Variants in ANK3 observed in about 807,000 individuals in gnomAD.
ANK3 encodes the protein ankyrin-3.
ANK3 carries 57 observed loss-of-function variants against 370.9 expected under a neutral mutation model. The observed-to-expected ratio is 0.15, with a 90% CI of 0.12 to 0.19. The LOEUF is 0.19. Ranked by LOEUF, ANK3 falls within the 10% of genes least tolerant of loss-of-function variation. The pLI is 1.00. For missense variants in ANK3, 4,439 were observed against 5,302.1 expected (o/e 0.84, Z 5.06); for synonymous variants, 1,929 against 1,946.3 (o/e 0.99, Z 0.23).
At chr10:60,722,687 G>C (rs1837550749) in intron 1 of ANK3, among the ~76,000 whole-genome samples, 1 of 152,064 alleles carries the variant, frequency 6.6e-6, no homozygotes, top group Admixed American at 6.5e-5. Flanking sequence ...GGAGGTATTT[G>C]GATCATGGGG....
chr10:60,595,841 C>G (rs1490567898), intron 2 of ANK3, among the ~76,000 whole-genome samples: 1 of 152,160 alleles, frequency 6.6e-6, no homozygotes, highest in Non-Finnish European at 1.5e-5. Flanking sequence ...ATTTCTTTCA[C>G]TGTCATAATT....
intron 2 of ANK3, among the ~76,000 whole-genome samples, chr10:60,531,811 T>A (rs2076612874): frequency 6.6e-6 from 1 of 152,092 alleles, no homozygotes; most frequent in Non-Finnish European, 1.5e-5. Context: ...CAGTATCACC[T>A]AGAAGTCTGT....
chr10:60,476,681 G>A (rs1015041874), intron 2 of ANK3, among the ~76,000 whole-genome samples: 8 of 152,080 alleles, frequency 5.3e-5, no homozygotes, highest in African/African-American at 1.4e-4. Flanking sequence ...GATATAAATT[G>A]GATTTACAGC....
chr10:60,583,974 T>C (rs924191708), intron 2 of ANK3, among the ~76,000 whole-genome samples: 11 of 152,186 alleles, frequency 7.2e-5, no homozygotes, highest in African/African-American at 2.7e-4. Flanking sequence ...TTACACAGTT[T>C]ACACATGTAT....
intron 1 of ANK3, among the ~76,000 whole-genome samples, chr10:60,292,979 G>A (rs903433288): frequency 5.3e-5 from 8 of 152,154 alleles, no homozygotes; most frequent in African/African-American, 1.9e-4. Flanking sequence ...AAAGTGCTGG[G>A]ATTACAGGCA....
At chr10:60,089,459 TTGTGTGTGTGTGTGTGTGTGTGTGTGTG>T (rs61497871) in intron 28 of ANK3, among the ~76,000 whole-genome samples, 2 of 141,538 alleles carry the variant, frequency 1.4e-5, no homozygotes, top group Non-Finnish European at 3.1e-5. Context: ...TCCATCCAGG[TTGTGTGTGTGTGTGTGTGTGTGTGTGTG>T]TGTGTGTGTG....
chr10:60,286,571 C>T (rs913356052), intron 1 of ANK3, among the ~76,000 whole-genome samples: 1 of 152,136 alleles, frequency 6.6e-6, no homozygotes, highest in East Asian at 1.9e-4. Flanking sequence ...ACTTGGGGTG[C>T]ATAAGGGCAA....
At chr10:60,172,591 C>A (rs533716534) in intron 20 of ANK3, among the ~76,000 whole-genome samples, 188 bp from the exon 21 acceptor site, 1 of 152,308 alleles carries the variant, frequency 6.6e-6, no homozygotes, top group East Asian at 1.9e-4. Flanking sequence ...TGGGCAGCTA[C>A]ACATGCAATC....
At chr10:60,599,705 T>C (rs2078034446) in intron 2 of ANK3, among the ~76,000 whole-genome samples, 1 of 152,202 alleles carries the variant, frequency 6.6e-6, no homozygotes, top group Non-Finnish European at 1.5e-5. Flanking sequence ...CTCCGTAATC[T>C]ATTTTCCATA....
At chr10:60,113,181 G>A (rs1290936801) in intron 26 of ANK3, among the ~76,000 whole-genome samples, 2 of 151,980 alleles carry the variant, frequency 1.3e-5, no homozygotes, top group East Asian at 3.8e-4. Context: ...TTCCAGTGTA[G>A]ACACTGGTAT....
chr10:60,524,063 C>G (rs543572843), intron 2 of ANK3, among the ~76,000 whole-genome samples: 1 of 152,006 alleles, frequency 6.6e-6, no homozygotes, highest in Admixed American at 6.6e-5. Flanking sequence ...TCCTTCTGGC[C>G]TCTCCCACTT....
chr10:60,161,191 AT>A (rs1298166253), intron 23 of ANK3, among the ~76,000 whole-genome samples: 2 of 152,304 alleles, frequency 1.3e-5, no homozygotes, highest in African/African-American at 4.8e-5. Context: ...ATTTAGTAAA[AT>A]TCAAGATACA....
chr10:60,245,639 T>A (rs934854809), intron 7 of ANK3, among the ~76,000 whole-genome samples: 2 of 152,234 alleles, frequency 1.3e-5, no homozygotes, highest in Non-Finnish European at 2.9e-5. Context: ...CTTAGCATGT[T>A]TTCAAGGTTC....
At chr10:60,684,589 G>C (rs1370297890) in intron 1 of ANK3, 25 of 1,588,896 alleles carry the variant, frequency 1.6e-5, no homozygotes, top group Admixed American at 5.1e-5. Flanking sequence ...GCTGGGTTTG[G>C]ACTGTGCTGG....
intron 16 of ANK3, among the ~76,000 whole-genome samples, chr10:60,193,280 T>C (rs960848732): frequency 2.1e-4 from 32 of 152,248 alleles, no homozygotes; most frequent in African/African-American, 6.5e-4. Context: ...GTTTTGCAGA[T>C]AGAGAACTAT....
At chr10:60,188,816 T>C (rs2096407399) in intron 16 of ANK3, among the ~76,000 whole-genome samples, 1 of 152,182 alleles carries the variant, frequency 6.6e-6, no homozygotes, top group Admixed American at 6.5e-5. Flanking sequence ...CCAGCTGCCC[T>C]GAGAAGCATT....
chr10:60,080,921 T>G (rs1467768429), intron 35 of ANK3, among the ~76,000 whole-genome samples: 1 of 152,162 alleles, frequency 6.6e-6, no homozygotes, highest in African/African-American at 2.4e-5. Flanking sequence ...AGCACATATA[T>G]CACAAAGTAC....
At chr10:60,228,074 T>G (rs2097190321) in intron 8 of ANK3, among the ~76,000 whole-genome samples, 1 of 152,232 alleles carries the variant, frequency 6.6e-6, no homozygotes, top group African/African-American at 2.4e-5. Context: ...CATAACTTAA[T>G]GCCAGAACTC....
Position 60,186,929 on chromosome 10 carries a change from C to T in ANK3, c.1888-17G>A, listed in dbSNP as rs778633866. On this transcript the variant is annotated splice_polypyrimidine_tract_variant and intron_variant, in intron 16 of 43. Coordinates refer to ENST00000280772, the MANE Select transcript of ANK3 (RefSeq NM_020987.5). ...ATAACCATTCTGTCAACACAAATCA[C>T]TTGGTCACATGCCCAGGAACAAGAT... 2 of 1,613,008 alleles carry T rather than the reference C, an allele frequency of 1.2e-6. No homozygotes were observed. The highest frequency in any genetic ancestry group is 2.2e-5 in the East Asian group (1 of 44,858).
Sources: allele counts gnomAD v4.1 joint callset (sites outside exome capture counted in the v4.1 genomes callset), GRCh38; gene constraint gnomAD v4.1.1; transcripts MANE v1.5; gene names NCBI Gene and HGNC (gene_info 2026-07-23, HGNC 2026-07-21).